Variants in DCDC1 observed in about 807,000 individuals in gnomAD.
DCDC1 encodes doublecortin domain containing 1.
Under a neutral mutation model 178.3 loss-of-function variants are expected in DCDC1, and 200 were observed. The observed-to-expected ratio is 1.12, with a 90% CI of 1.00 to 1.26. The LOEUF is 1.26. Ranked by LOEUF, DCDC1 falls within the 50% of genes most tolerant of loss-of-function variation. The pLI is 0.00. For missense variants in DCDC1, 1,983 were observed against 1,749.2 expected, an observed-to-expected ratio of 1.13 and a Z score of -2.38; for synonymous variants, 690 against 604.8, an observed-to-expected ratio of 1.14 and a Z score of -2.07.
intron 20 of DCDC1, among the ~76,000 whole-genome samples, chr11:31,046,234 C>A (rs1954830205): frequency 6.6e-6 from 1 of 152,106 alleles, no homozygotes; most frequent in Non-Finnish European, 1.5e-5. Context: ...TGGCTTTTTC[C>A]ATTCAGCAGA....
At position 30,898,122 on chromosome 11, in the gene DCDC1, A is replaced by G. The variant is rs541825816; in HGVS notation, c.4765+1419T>C. Among the ~76,000 whole-genome samples, 3 of 152,298 alleles carry G rather than the reference A, an allele frequency of 2.0e-5. No individual in the cohort carries two copies. In the East Asian group the frequency reaches 5.8e-4, roughly 29 times the overall value. On this transcript the variant is annotated intron_variant, in intron 34 of 38. Transcript: ENST00000684477. ...TAAAATGTATGAAGTGTAGTGGGCA[A>G]GGAGAAACAGAAACTTACAGAGAAC... is the stretch of plus-strand genomic sequence containing the variant.
rs192461943 is a variant in DCDC1, at chr11:31,332,618, G to T, written c.-7+2829C>A. On this transcript the variant is annotated intron_variant, in intron 2 of 38. Transcript: ENST00000684477. ...GGTTTCAAAGAAGATCTTTATTTCTGCCTTCATTTCATTATTTACCCAGTA... is the reference window on the plus strand; with the variant it reads ...GGTTTCAAAGAAGATCTTTATTTCTTCCTTCATTTCATTATTTACCCAGTA... 3.2e-4 allele frequency among the ~76,000 whole-genome samples: 48 copies of T among 152,228 alleles called. No homozygotes were observed. The East Asian group carries it at 8.7e-3, about 28-fold the overall frequency.
intron 11 of DCDC1, among the ~76,000 whole-genome samples, chr11:31,117,644 T>C (rs1247235119): frequency 1.3e-5 from 2 of 152,158 alleles, no homozygotes; most frequent in Middle Eastern, 3.4e-3. Context: ...ATAGTATTTT[T>C]TTAAATAGTC....
At chr11:30,939,972 T>G (rs73465146) in intron 21 of DCDC1, among the ~76,000 whole-genome samples, 3,832 of 152,310 alleles carry the variant, frequency 0.025, 165 homozygotes, top group African/African-American at 0.085. Flanking sequence ...TGTCTCTTCT[T>G]GGGTCCATTT....
intron 20 of DCDC1, among the ~76,000 whole-genome samples, chr11:30,974,753 G>A (rs1950007971): frequency 6.6e-6 from 1 of 152,072 alleles, no homozygotes; most frequent in Admixed American, 6.6e-5. Context: ...AGGACCTGAT[G>A]GCTTCACTGC....
In DCDC1 at chr11:30,907,480, C is replaced by T. The variant is rs535913453; in HGVS notation, c.3919-755G>A. On this transcript the variant is annotated intron_variant, in intron 29 of 38. Coordinates refer to ENST00000684477, the MANE Select transcript of DCDC1 (RefSeq NM_001387274.1). ...GGAAAGGCCATGTGACTTGCTTTGG[C>T]CAACACAGCACTAACAAATGTGATG... Among the ~76,000 whole-genome samples the T allele has an allele frequency of 1.3e-4, 20 of 152,258 alleles. No homozygotes were observed. The South Asian group carries it at 3.9e-3, about 30-fold the overall frequency.
At chr11:30,977,460 G>A (rs942821650) in intron 20 of DCDC1, among the ~76,000 whole-genome samples, 6 of 152,018 alleles carry the variant, frequency 3.9e-5, no homozygotes, top group Admixed American at 6.6e-5. Flanking sequence ...CAAATATTAC[G>A]TAGCAATAAA....
chr11:30,967,103 T>C (rs1422968043), intron 20 of DCDC1, among the ~76,000 whole-genome samples: 3 of 49,502 alleles, frequency 6.1e-5, no homozygotes, highest in African/African-American at 8.2e-5. Flanking sequence ...TTTGGTTCCA[T>C]ATGAACTTTA....
At chr11:31,109,678 G>A (rs1200115528) in intron 12 of DCDC1, among the ~76,000 whole-genome samples, 1 of 152,122 alleles carries the variant, frequency 6.6e-6, no homozygotes, top group Non-Finnish European at 1.5e-5. Flanking sequence ...ACACTGCTGT[G>A]CGCTCGGGTG....
chr11:30,987,307 G>A (rs369122441), intron 20 of DCDC1, among the ~76,000 whole-genome samples: 8 of 152,182 alleles, frequency 5.3e-5, no homozygotes, highest in East Asian at 1.9e-4. Context: ...GTGAGCCACC[G>A]CACCCAGGCT....
At chr11:30,879,591 C>T (rs965848246) in intron 37 of DCDC1, among the ~76,000 whole-genome samples, 1 of 152,102 alleles carries the variant, frequency 6.6e-6, no homozygotes, top group Non-Finnish European at 1.5e-5. Context: ...AAGAAATAAA[C>T]TTTCATACGA....
At chr11:30,986,487 C>A (rs1950655425) in intron 20 of DCDC1, among the ~76,000 whole-genome samples, 2 of 151,986 alleles carry the variant, frequency 1.3e-5, no homozygotes, top group African/African-American at 4.8e-5. Context: ...CACACACCAC[C>A]ATGCCCAGCT....
intron 20 of DCDC1, among the ~76,000 whole-genome samples, chr11:30,962,892 CTT>C (rs761520650): frequency 1.3e-5 from 2 of 152,058 alleles, no homozygotes; most frequent in Non-Finnish European, 2.9e-5. Context: ...GCAAAGCTCT[CTT>C]TGCAACTCAG....
intron 10 of DCDC1, among the ~76,000 whole-genome samples, chr11:31,128,358 G>T (rs575413654): frequency 1.3e-5 from 2 of 152,078 alleles, no homozygotes; most frequent in African/African-American, 4.8e-5. Flanking sequence ...ATTTTAGACA[G>T]ACATATGAGC....
chr11:31,089,633 TTTG>T (rs1957687709), intron 17 of DCDC1, among the ~76,000 whole-genome samples: 2 of 150,442 alleles, frequency 1.3e-5, no homozygotes, highest in African/African-American at 4.9e-5. Flanking sequence ...TTTTGAAGTA[TTTG>T]TTTTCTCTCC....
At chr11:31,304,201 T>C (rs966938474) in intron 6 of DCDC1, among the ~76,000 whole-genome samples, 1 of 152,208 alleles carries the variant, frequency 6.6e-6, no homozygotes, top group African/African-American at 2.4e-5. Flanking sequence ...CAGGAGATTT[T>C]CTTCTTAGCT....
intron 23 of DCDC1, 41 bp from the exon 24 acceptor site, chr11:30,922,679 C>G: frequency 6.9e-7 from 1 of 1,452,132 alleles, no homozygotes; most frequent in Non-Finnish European, 9.0e-7. Context: ...ATAATTGTCA[C>G]AGCAGCATTA....
At chr11:31,216,487 C>T (rs1973578955) in intron 9 of DCDC1, among the ~76,000 whole-genome samples, 1 of 152,174 alleles carries the variant, frequency 6.6e-6, no homozygotes, top group Admixed American at 6.5e-5. Flanking sequence ...CAGATCTACA[C>T]TGTAGAATCC....
intron 25 of DCDC1, among the ~76,000 whole-genome samples, chr11:30,918,647 G>T (rs576641917): frequency 6.6e-6 from 1 of 152,084 alleles, no homozygotes; most frequent in African/African-American, 2.4e-5. Context: ...ATTCCAAGCA[G>T]AGAAAAGAAC....
Sources: gnomAD v4.1 joint callset for allele counts (sites outside exome capture counted in the v4.1 genomes callset) on GRCh38, gnomAD v4.1.1 for gene constraint, MANE v1.5 for transcripts, NCBI Gene and HGNC (gene_info 2026-07-23, HGNC 2026-07-21) for gene names.